The following RAB3GAP2 variants were observed in gnomAD, a reference collection of about 807,000 sequenced individuals.
RAB3GAP2 encodes the protein rab3 GTPase-activating protein non-catalytic subunit.
RAB3GAP2 carries 87 observed loss-of-function variants against 185.3 expected under a neutral mutation model. That is an observed-to-expected ratio of 0.47 (90% CI 0.39 to 0.56). The LOEUF is 0.56. Ranked by LOEUF, RAB3GAP2 falls within the 20% of genes least tolerant of loss-of-function variation. RAB3GAP2 has a pLI of 0.00. For missense variants in RAB3GAP2, 1,492 were observed against 1,638.2 expected (o/e 0.91, Z 1.54); for synonymous variants, 554 against 576.1 (o/e 0.96, Z 0.55).
At chr1:220,175,438 C>T (rs536899338) in intron 21 of RAB3GAP2, among the ~76,000 whole-genome samples, 2 of 152,196 alleles carry the variant, frequency 1.3e-5, no homozygotes, top group South Asian at 2.1e-4. Flanking sequence ...AGGCTGGTCT[C>T]GAACTCCTGA....
At chr1:220,202,428 T>C (rs1658879722) in intron 8 of RAB3GAP2, 54 bp from the exon 9 acceptor site, 1 of 1,556,740 alleles carries the variant, frequency 6.4e-7, no homozygotes, top group African/African-American at 1.4e-5. Context: ...AATGAAGTTT[T>C]ACAAAAAAAC....
At chr1:220,232,238 C>CA (rs1263820212) in intron 2 of RAB3GAP2, among the ~76,000 whole-genome samples, 2 of 152,114 alleles carry the variant, frequency 1.3e-5, no homozygotes, top group Non-Finnish European at 2.9e-5. Flanking sequence ...AATGTGCCCC[C>CA]AAAAAACATG....
chr1:220,272,223 T>C lies in RAB3GAP2; in HGVS notation c.115A>G (p.Ser39Gly), dbSNP rs1343960762. The stretch of plus-strand genomic sequence containing the variant: ...AGGGCGAGGCCAGAGAGGCACTTAC[T>C]GGGGTCCCTCCGCAAGGCGCCGCTG... ...ILSGALRRDPSKSTDWEDDGW... is the reference protein window; with the variant it reads ...ILSGALRRDPGKSTDWEDDGW... The change falls in exon 1 of 35, where the codon AGT becomes GGT. Residue 39 changes from serine (S) to glycine (G), a missense_variant and splice_region_variant. By Grantham distance (56) the Ser-to-Gly change is moderately conservative (BLOSUM62 0). Around this residue, in one of 5 missense-constraint regions of RAB3GAP2, gnomAD observed 177 missense variants for 160.6 expected, o/e 1.10. Transcript: ENST00000358951. The C allele has an allele frequency of 6.2e-7, 1 of 1,602,816 alleles. No homozygotes were observed. Among genetic ancestry groups the C allele is most frequent in the South Asian group, 1.1e-5 (1 of 88,348 alleles).
chr1:220,171,633 A>G (rs1296495438), intron 23 of RAB3GAP2, among the ~76,000 whole-genome samples: 1 of 152,128 alleles, frequency 6.6e-6, no homozygotes, highest in African/African-American at 2.4e-5. Context: ...CCCCTGGAAA[A>G]AATTATTTGA....
Position 220,185,753 on chromosome 1 carries a change from A to C in RAB3GAP2, c.1780-12T>G. The C allele has an allele frequency of 6.3e-7, 1 of 1,594,216 alleles. No individual in the cohort carries two copies. Among genetic ancestry groups the C allele is most frequent in the Admixed American group, 1.7e-5 (1 of 59,910 alleles). On this transcript the variant is annotated splice_polypyrimidine_tract_variant and intron_variant, in intron 17 of 34. Transcript: ENST00000358951. The stretch of plus-strand genomic sequence containing the variant: ...ATGCTTTCCAAAGCCTAGGAGAAAG[A>C]TATTGAACAGTTCTAGTAATTATAA...
chr1:220,187,872 G>A (rs1473736279), intron 17 of RAB3GAP2, among the ~76,000 whole-genome samples: 1 of 152,016 alleles, frequency 6.6e-6, no homozygotes, highest in Admixed American at 6.6e-5. Context: ...CAACCGCAAA[G>A]AGGGGGTCAT....
At chr1:220,261,415 C>T (rs943414012) in intron 1 of RAB3GAP2, among the ~76,000 whole-genome samples, 2 of 152,156 alleles carry the variant, frequency 1.3e-5, no homozygotes, top group African/African-American at 4.8e-5. Context: ...TTATGAAAAC[C>T]ATGCTAAGGA....
intron 1 of RAB3GAP2, among the ~76,000 whole-genome samples, chr1:220,270,159 C>T (rs1010408557): frequency 2.0e-5 from 3 of 152,168 alleles, no homozygotes; most frequent in Non-Finnish European, 2.9e-5. Flanking sequence ...CATTCCTCAC[C>T]CTCATCAAGT....
At chr1:220,169,456 T>C (rs1324416172) in intron 24 of RAB3GAP2, among the ~76,000 whole-genome samples, 3 of 152,210 alleles carry the variant, frequency 2.0e-5, no homozygotes, top group Non-Finnish European at 4.4e-5. Context: ...TAGTGAATCA[T>C]GAAAGGTTTC....
chr1:220,238,497 T>G (rs1418369424), intron 1 of RAB3GAP2, among the ~76,000 whole-genome samples: 2 of 152,214 alleles, frequency 1.3e-5, no homozygotes, highest in Admixed American at 6.5e-5. Flanking sequence ...GGCTTCCTCT[T>G]CAGCAAAAAT....
At chr1:220,192,960 G>C (rs1263451221) in intron 13 of RAB3GAP2, among the ~76,000 whole-genome samples, 2 of 152,060 alleles carry the variant, frequency 1.3e-5, no homozygotes, top group African/African-American at 4.8e-5. Context: ...AATGTAGCAG[G>C]GGCAAGAAAC....
At position 220,151,378 on chromosome 1, in the gene RAB3GAP2, A is replaced by C; in HGVS notation, c.4055T>G (p.Val1352Gly). The C allele has an allele frequency of 6.2e-7, 1 of 1,614,168 alleles. No individual in the cohort carries two copies. The highest frequency in any genetic ancestry group is 8.5e-7 in the Non-Finnish European group (1 of 1,180,024). ...TAGTTTAGCTGTTGTTGCAATTGGCACTTCAGTGTTTTGAAGGTCCTGGGG... is the reference window on the plus strand; with the variant it reads ...TAGTTTAGCTGTTGTTGCAATTGGCCCTTCAGTGTTTTGAAGGTCCTGGGG... The part of the protein sequence containing the change: ...MDPQDLQNTE[V>G]PIATTAKLVN... The change falls in exon 35 of 35, where the codon GTG becomes GGG. Residue 1352 changes from valine (V) to glycine (G), a missense_variant. This residue lies in a region of RAB3GAP2 where 387 missense variants were observed against 455.3 expected (regional missense o/e 0.85). Coordinates refer to ENST00000358951, the MANE Select transcript of RAB3GAP2 (RefSeq NM_012414.4).
At chr1:220,152,444 C>T (rs558259906) in intron 33 of RAB3GAP2, among the ~76,000 whole-genome samples, 21 of 152,198 alleles carry the variant, frequency 1.4e-4, no homozygotes, top group African/African-American at 3.9e-4. Context: ...GGCCATGGCC[C>T]GGGCCAGCCT....
At chr1:220,253,802 A>C (rs147558065) in intron 1 of RAB3GAP2, 147,954 of 1,612,024 alleles carry the variant, frequency 0.092, 7,256 homozygotes, top group South Asian at 0.13. Context: ...GAACTTCAAA[A>C]AGCCAATCAG....
intron 1 of RAB3GAP2, among the ~76,000 whole-genome samples, chr1:220,252,250 A>G (rs558617291): frequency 6.6e-6 from 1 of 151,822 alleles, no homozygotes; most frequent in African/African-American, 2.4e-5. Context: ...TAGATATTAT[A>G]TAATATATAA....
At chr1:220,239,257 G>C (rs933525735) in intron 1 of RAB3GAP2, among the ~76,000 whole-genome samples, 1 of 152,040 alleles carries the variant, frequency 6.6e-6, no homozygotes, top group Non-Finnish European at 1.5e-5. Flanking sequence ...GAGGGACAAG[G>C]TCTAGCTCTA....
intron 1 of RAB3GAP2, among the ~76,000 whole-genome samples, chr1:220,248,868 G>A (rs1278399516): frequency 1.3e-5 from 2 of 152,070 alleles, no homozygotes; most frequent in African/African-American, 4.8e-5. Flanking sequence ...CCCCCACTTT[G>A]CTCTCACTCA....
At chr1:220,155,690 T>C (rs1657844298) in intron 31 of RAB3GAP2, among the ~76,000 whole-genome samples, 1 of 152,166 alleles carries the variant, frequency 6.6e-6, no homozygotes, top group Non-Finnish European at 1.5e-5. Flanking sequence ...AGCACCGGGA[T>C]TGTTTTCACT....
chr1:220,254,207 C>T lies in RAB3GAP2; in HGVS notation c.115+18016G>A, dbSNP rs374115450. The T allele has an allele frequency of 5.0e-4, 810 of 1,613,190 alleles. 5 individuals carry two copies. The African/African-American group carries it at 8.2e-3, about 16-fold the overall frequency. ...GGAAACACAGATAATAAGGAGTATG[C>T]GGTTAATGAAGTTGTGGCAGGGATA... On this transcript the variant is annotated intron_variant, in intron 1 of 34. Transcript: ENST00000358951.
Sources: allele counts gnomAD v4.1 joint callset (sites outside exome capture counted in the v4.1 genomes callset), GRCh38; gene constraint gnomAD v4.1.1; regional missense constraint gnomAD v4.1.1; transcripts MANE v1.5; gene names NCBI Gene and HGNC (gene_info 2026-07-23, HGNC 2026-07-21).